Variants in NBAS observed in about 807,000 individuals in gnomAD.
NBAS encodes NBAS subunit of NRZ tethering complex, also known as NAG/BC035112 fusion.
NBAS carries 219 observed loss-of-function variants against 302.5 expected under a neutral mutation model. The observed-to-expected ratio is 0.72, with a 90% CI of 0.65 to 0.81. The LOEUF (loss-of-function observed/expected upper bound fraction) is 0.81. Ranked by LOEUF, NBAS falls within the 30% of genes least tolerant of loss-of-function variation. The probability of loss-of-function intolerance (pLI) is 0.00; values close to 1 mark genes in which losing one functional copy is unlikely to be tolerated. For synonymous variants in NBAS, 1,118 were observed against 1,021.6 expected, an observed-to-expected ratio of 1.09 and a Z score of -1.80; for missense variants, 2,932 against 2,841.6, an observed-to-expected ratio of 1.03 and a Z score of -0.72.
chr2:15,033,825 G>A, the NBAS span, among the ~76,000 whole-genome samples: 1 of 151,928 alleles, frequency 6.6e-6, no homozygotes, highest in Non-Finnish European at 1.5e-5. Flanking sequence ...GCTCACTCCT[G>A]TAGTTCCAGC....
chr2:14,994,810 G>A, the NBAS span, among the ~76,000 whole-genome samples: 2 of 152,166 alleles, frequency 1.3e-5, no homozygotes, highest in African/African-American at 4.8e-5. Flanking sequence ...AGCACACGCT[G>A]AAGCTCCTTC....
chr2:15,204,832 G>A (rs917282906), intron 48 of NBAS, among the ~76,000 whole-genome samples: 3 of 152,044 alleles, frequency 2.0e-5, no homozygotes, highest in African/African-American at 7.2e-5. Flanking sequence ...ACACAGGGTG[G>A]GGAACATCAT....
chr2:15,076,849 C>T, the NBAS span, among the ~76,000 whole-genome samples: 1 of 152,212 alleles, frequency 6.6e-6, no homozygotes, highest in Non-Finnish European at 1.5e-5. Context: ...TATTTCACAA[C>T]AGCTCAGAGT....
the NBAS span, among the ~76,000 whole-genome samples, chr2:14,857,928 CAG>C: frequency 3.4e-4 from 52 of 152,252 alleles, no homozygotes; most frequent in African/African-American, 1.2e-3. Flanking sequence ...ATCCCTCTGA[CAG>C]GGGATTAATA....
At chr2:14,873,043 TCGGC>T in the NBAS span, among the ~76,000 whole-genome samples, 1 of 152,226 alleles carries the variant, frequency 6.6e-6, no homozygotes, top group African/African-American at 2.4e-5. Flanking sequence ...AAGGGGACTC[TCGGC>T]AGGTGGCCGA....
intron 21 of NBAS, among the ~76,000 whole-genome samples, chr2:15,457,888 G>A (rs886782878): frequency 6.6e-6 from 1 of 152,200 alleles, no homozygotes; most frequent in African/African-American, 2.4e-5. Flanking sequence ...TTAACGATGG[G>A]TTGAAACAGC....
chr2:15,528,710 T>C (rs958752978), intron 9 of NBAS, among the ~76,000 whole-genome samples: 2 of 148,814 alleles, frequency 1.3e-5, no homozygotes, highest in African/African-American at 2.5e-5. Flanking sequence ...TCTACAAAAA[T>C]ACAAAAATTA....
the NBAS span, among the ~76,000 whole-genome samples, chr2:14,987,138 A>AT: frequency 2.6e-5 from 4 of 152,052 alleles, no homozygotes; most frequent in Admixed American, 6.6e-5. Flanking sequence ...ATGAAATGCT[A>AT]TATCTTTTAA....
the NBAS span, among the ~76,000 whole-genome samples, chr2:14,987,337 A>G: frequency 6.6e-6 from 1 of 152,102 alleles, no homozygotes; most frequent in Non-Finnish European, 1.5e-5. Context: ...TGAGTTCTAC[A>G]AGACATTAGA....
chr2:14,960,842 C>A, the NBAS span, among the ~76,000 whole-genome samples: 2 of 152,294 alleles, frequency 1.3e-5, no homozygotes, highest in African/African-American at 2.4e-5. Context: ...AGTCAATGAA[C>A]AAGACCTGGC....
chr2:15,432,059 T>G (rs1677792576), intron 21 of NBAS, among the ~76,000 whole-genome samples: 1 of 152,014 alleles, frequency 6.6e-6, no homozygotes, highest in Non-Finnish European at 1.5e-5. Context: ...TTAAGTCAAT[T>G]ACTAAATGGG....
At chr2:15,084,260 G>T in the NBAS span, among the ~76,000 whole-genome samples, 319 of 151,932 alleles carry the variant, frequency 2.1e-3, 4 homozygotes, top group African/African-American at 7.6e-3. Flanking sequence ...CAGGGTTTTT[G>T]CCATGTTGCC....
chr2:15,313,401 C>T (rs1165376345), intron 38 of NBAS, among the ~76,000 whole-genome samples: 1 of 152,114 alleles, frequency 6.6e-6, no homozygotes, highest in East Asian at 1.9e-4. Context: ...CTTGTTTTTA[C>T]ACAGGCTTGG....
intron 38 of NBAS, among the ~76,000 whole-genome samples, chr2:15,326,666 A>G (rs537549173): frequency 9.9e-5 from 15 of 152,232 alleles, no homozygotes; most frequent in Non-Finnish European, 1.8e-4. Context: ...GATGTACCAT[A>G]AATTTAATAA....
At chr2:15,377,326 G>A (rs1674791786) in intron 30 of NBAS, among the ~76,000 whole-genome samples, 1 of 152,180 alleles carries the variant, frequency 6.6e-6, no homozygotes, top group South Asian at 2.1e-4. Context: ...AATTAATTTA[G>A]AGAAGGGGCC....
rs553246127 is a variant in NBAS at position 15,248,562 on chromosome 2, T to G, written c.5725-9876A>C. ...AAGATCAACAAAATTGATAGACCAC[T>G]AGCCAGACTAATAAAGAATAAAAGA... On this transcript the variant is annotated intron_variant, in intron 44 of 51. Transcript: ENST00000281513. Among the ~76,000 whole-genome samples, 6 of 152,222 alleles carry G rather than the reference T, an allele frequency of 3.9e-5. No individual in the cohort carries two copies. In the East Asian group the frequency reaches 5.8e-4, roughly 15 times the overall value.
At chr2:15,398,911 A>C (rs73917305) in intron 26 of NBAS, among the ~76,000 whole-genome samples, 2,740 of 152,330 alleles carry the variant, frequency 0.018, 77 homozygotes, top group African/African-American at 0.061. Flanking sequence ...AAAATGTTAC[A>C]TCAGAAATCA....
At chr2:14,824,398 GTAGGTTT>G in the NBAS span, among the ~76,000 whole-genome samples, 1 of 152,084 alleles carries the variant, frequency 6.6e-6, no homozygotes, top group Non-Finnish European at 1.5e-5. Context: ...CTATTAAGAG[GTAGGTTT>G]TACCTCTTCA....
intron 35 of NBAS, among the ~76,000 whole-genome samples, chr2:15,333,841 A>T (rs1174881975): frequency 8.7e-6 from 1 of 114,974 alleles, no homozygotes; most frequent in Admixed American, 8.9e-5. Context: ...CAGTGGAGGT[A>T]AAAAAAAAAA....
Sources: allele counts gnomAD v4.1 joint callset (sites outside exome capture counted in the v4.1 genomes callset), GRCh38; gene constraint gnomAD v4.1.1; transcripts MANE v1.5; gene names NCBI Gene and HGNC (gene_info 2026-07-23, HGNC 2026-07-21).